PLLP: variants seen among roughly 807,000 people sequenced by gnomAD.
The protein encoded by PLLP is plasma membrane proteolipid (plasmolipin).
PLLP carries 15 observed loss-of-function variants against 19.7 expected under a neutral mutation model. The ratio of observed to expected loss-of-function variants is 0.76; its 90% CI spans 0.51 to 1.17. PLLP has a LOEUF of 1.17. Ranked by LOEUF, PLLP falls within the 50% of genes most tolerant of loss-of-function variation. The pLI, the probability that PLLP is intolerant of heterozygous loss-of-function variation, is 0.00. For missense variants in PLLP, 255 were observed against 258.3 expected, an observed-to-expected ratio of 0.99 and a Z score of 0.09; for synonymous variants, 111 against 116.3, an observed-to-expected ratio of 0.95 and a Z score of 0.29.
Position 57,258,404 on chromosome 16 carries a change from C to G in PLLP, c.432+58G>C. On this transcript the variant is annotated intron_variant, in intron 3 of 3. Coordinates refer to ENST00000219207, the MANE Select transcript of PLLP (RefSeq NM_015993.3). ...CCTGGCCTCAGACCAAGCGAGCAGC[C>G]TGAGTCCTGGGGCTGAGACCCTGCA... 4.4e-6 allele frequency: 7 copies of G among 1,582,362 alleles called. No homozygotes were observed. In the South Asian group the frequency reaches 7.8e-5, roughly 18 times the overall value.
chr16:57,268,445 T>C (rs995256299), intron 1 of PLLP, among the ~76,000 whole-genome samples: 1 of 152,196 alleles, frequency 6.6e-6, no homozygotes, highest in Non-Finnish European at 1.5e-5. Context: ...TGCCCTTGTC[T>C]TCATCTTCCT....
At chr16:57,284,331 G>C in intron 1 of PLLP, 75 bp downstream of exon 1, 1 of 1,224,196 alleles carries the variant, frequency 8.2e-7, no homozygotes, top group Non-Finnish European at 1.0e-6. Context: ...AATGAACGCA[G>C]CGCCGGAGTC....
intron 1 of PLLP, among the ~76,000 whole-genome samples, chr16:57,279,922 A>C (rs1035057136): frequency 6.6e-6 from 1 of 152,212 alleles, no homozygotes; most frequent in Admixed American, 6.5e-5. Context: ...GGTGGGGCAA[A>C]ATGGAAGGAC....
chr16:57,260,394 C>T (rs1271020084), intron 2 of PLLP, among the ~76,000 whole-genome samples: 4 of 152,150 alleles, frequency 2.6e-5, no homozygotes, highest in African/African-American at 9.7e-5. Context: ...GTCCCTGGGA[C>T]GTGAGGGAGG....
intron 1 of PLLP, among the ~76,000 whole-genome samples, chr16:57,275,641 C>A (rs969273109): frequency 2.5e-3 from 103 of 41,378 alleles, no homozygotes; most frequent in East Asian, 4.4e-3. Flanking sequence ...TTTTGCAAGG[C>A]AAAAAAAAAA....
chr16:57,265,258 A>G (rs575961578), intron 1 of PLLP, among the ~76,000 whole-genome samples: 1 of 152,352 alleles, frequency 6.6e-6, no homozygotes, highest in East Asian at 1.9e-4. Flanking sequence ...GTCTCAGAAC[A>G]ACACCCTGCC....
chr16:57,283,751 G>C (rs981623380), intron 1 of PLLP, among the ~76,000 whole-genome samples: 6 of 152,214 alleles, frequency 3.9e-5, no homozygotes, highest in African/African-American at 1.4e-4. Flanking sequence ...TCTCGGTCCC[G>C]TGGGGCTGGC....
intron 2 of PLLP, among the ~76,000 whole-genome samples, chr16:57,258,967 G>A (rs887799969): frequency 3.3e-5 from 5 of 150,662 alleles, no homozygotes; most frequent in Admixed American, 3.3e-4. Flanking sequence ...AACGGTTGGG[G>A]CTTCTTGGTT....
intron 1 of PLLP, among the ~76,000 whole-genome samples, chr16:57,272,545 A>G (rs2075479193): frequency 6.6e-6 from 1 of 152,214 alleles, no homozygotes; most frequent in Non-Finnish European, 1.5e-5. Context: ...TTGGGGTGCT[A>G]AAGTGAGTGT....
intron 1 of PLLP, among the ~76,000 whole-genome samples, chr16:57,274,983 A>G (rs1304594116): frequency 2.7e-5 from 4 of 148,984 alleles, no homozygotes; most frequent in South Asian, 2.1e-4. Context: ...GGATGGTCTC[A>G]ATCTCCTGAC....
At chr16:57,279,649 TGGGTGACAGAG>T (rs1901194314) in intron 1 of PLLP, among the ~76,000 whole-genome samples, 1 of 149,796 alleles carries the variant, frequency 6.7e-6, no homozygotes, top group Non-Finnish European at 1.5e-5. Context: ...TAGTCCAGCC[TGGGTGACAGAG>T]CAAGACCTTG....
chr16:57,274,265 G>A (rs1257229925), intron 1 of PLLP, among the ~76,000 whole-genome samples: 4 of 152,058 alleles, frequency 2.6e-5, no homozygotes, highest in Admixed American at 2.0e-4. Context: ...TTACAGGTGT[G>A]AGCCACCACA....
chr16:57,276,661 C>T (rs1189164388), intron 1 of PLLP, among the ~76,000 whole-genome samples: 1 of 151,162 alleles, frequency 6.6e-6, no homozygotes, highest in Non-Finnish European at 1.5e-5. Context: ...TTGGTCTATT[C>T]GATTGGGGCA....
chr16:57,266,863 CTTTTTT>C (rs34562097), intron 1 of PLLP, among the ~76,000 whole-genome samples: 2 of 97,336 alleles, frequency 2.1e-5, no homozygotes, highest in Admixed American at 1.1e-4. Flanking sequence ...GGCACAGGGC[CTTTTTT>C]TTTTTTTTTT....
At chr16:57,280,757 T>A (rs1253749356) in intron 1 of PLLP, among the ~76,000 whole-genome samples, 1 of 152,248 alleles carries the variant, frequency 6.6e-6, no homozygotes, top group African/African-American at 2.4e-5. Flanking sequence ...TCTTCTGTCT[T>A]ATGTGGTTTA....
chr16:57,270,602 A>G (rs2075471751), intron 1 of PLLP, among the ~76,000 whole-genome samples: 1 of 151,784 alleles, frequency 6.6e-6, no homozygotes, highest in Admixed American at 6.6e-5. Flanking sequence ...AGTGAAAGGG[A>G]CTTTATGGGG....
At chr16:57,278,032 A>C (rs1901174639) in intron 1 of PLLP, among the ~76,000 whole-genome samples, 1 of 152,126 alleles carries the variant, frequency 6.6e-6, no homozygotes, top group Non-Finnish European at 1.5e-5. Context: ...ACAAGGAAGG[A>C]AGACAAGTCT....
intron 3 of PLLP, 89 bp downstream of exon 3, chr16:57,258,373 C>T (rs745983144): frequency 1.3e-4 from 175 of 1,372,550 alleles, no homozygotes; most frequent in Non-Finnish European, 3.7e-5. Flanking sequence ...CAGGAGGTGG[C>T]AGGTGCCTGG....
chr16:57,266,863 CTTTT>C (rs34562097), intron 1 of PLLP, among the ~76,000 whole-genome samples: 13 of 97,326 alleles, frequency 1.3e-4, no homozygotes, highest in Non-Finnish European at 1.9e-4. Flanking sequence ...GGCACAGGGC[CTTTT>C]TTTTTTTTTT....
Sources: gnomAD v4.1 joint callset for allele counts (sites outside exome capture counted in the v4.1 genomes callset) on GRCh38, gnomAD v4.1.1 for gene constraint, MANE v1.5 for transcripts, NCBI Gene and HGNC (gene_info 2026-07-23, HGNC 2026-07-21) for gene names.